The following COPG2 variants were observed in gnomAD, a reference collection of about 807,000 sequenced individuals.
COPG2 encodes coat protein complex I subunit gamma 2, also known as coatomer subunit gamma-2.
In COPG2, 37 loss-of-function variants were observed where a neutral mutation model predicts 46.3. The observed-to-expected ratio is 0.80, with a 90% CI of 0.61 to 1.05. COPG2 has a LOEUF of 1.05. Among genes scored for constraint, COPG2 ranks in the 50% least tolerant of loss-of-function variants. The probability of loss-of-function intolerance (pLI) is 0.00; values close to 1 mark genes in which losing one functional copy is unlikely to be tolerated. For synonymous variants in COPG2, 159 were observed against 129.7 expected (o/e 1.23, Z -1.53); for missense variants, 427 against 387.8 (o/e 1.10, Z -0.85).
At chr7:130,519,005 CAAAA>C (rs1163859617) in intron 20 of COPG2, among the ~76,000 whole-genome samples, 9 of 116,422 alleles carry the variant, frequency 7.7e-5, no homozygotes, top group Non-Finnish European at 1.0e-4. Flanking sequence ...GACTCTGTCT[CAAAA>C]AAAAAAAAAA....
rs1289896418 is a variant in COPG2, at chr7:130,618,639, A to G, written c.324-1574T>C. Among the ~76,000 whole-genome samples the G allele has an allele frequency of 7.2e-5, 11 of 152,324 alleles. No individual in the cohort carries two copies. The East Asian group carries it at 2.1e-3, about 29-fold the overall frequency. Reference sequence around the variant, plus strand: ...AAGGTGACTTTTCTATTATAAAGGTAAGGTTTTCATAAGTATTAATCAATC... The same window carrying G: ...AAGGTGACTTTTCTATTATAAAGGTGAGGTTTTCATAAGTATTAATCAATC... On this transcript the variant is annotated intron_variant, in intron 5 of 23. Transcript: ENST00000425248.
intron 7 of COPG2, among the ~76,000 whole-genome samples, chr7:130,613,243 C>A (rs1794887302): frequency 6.6e-6 from 1 of 152,164 alleles, no homozygotes; most frequent in Admixed American, 6.5e-5. Context: ...AGGGTTCGAG[C>A]TCCTATGAGA....
At chr7:130,616,919 C>A in intron 6 of COPG2, 71 bp downstream of exon 6, 3 of 952,036 alleles carry the variant, frequency 3.2e-6, no homozygotes, top group Non-Finnish European at 4.8e-6. Context: ...GGAAATCCTA[C>A]TAAATCTACA....
chr7:130,600,811 T>C (rs1794621056), intron 9 of COPG2, among the ~76,000 whole-genome samples: 2 of 152,220 alleles, frequency 1.3e-5, no homozygotes, highest in Admixed American at 6.5e-5. Context: ...ATAAATGTTA[T>C]ATTTTGTGTT....
chr7:130,514,625 TTTAGGGCAAGA>T (rs1412964632), intron 20 of COPG2, among the ~76,000 whole-genome samples: 1 of 152,084 alleles, frequency 6.6e-6, no homozygotes, highest in Non-Finnish European at 1.5e-5. Flanking sequence ...AGCGTACATC[TTTAGGGCAAGA>T]TAGGTAACAA....
In COPG2 at chr7:130,553,855, A is replaced by T. The variant is rs1019731277; in HGVS notation, c.1468+626T>A. On this transcript the variant is annotated intron_variant, in intron 14 of 23. Coordinates refer to ENST00000425248, the MANE Select transcript of COPG2 (RefSeq NM_012133.6). ...GGGTTTCACGAAGTGTTCAGTCAAT[A>T]GCACATCAAGTGGACTGAGTGTAAA... 6.2e-4 allele frequency among the ~76,000 whole-genome samples: 94 copies of T among 152,350 alleles called. 1 individual carries two copies. The highest frequency in any genetic ancestry group is 3.6e-3 in the Admixed American group (55 of 15,308).
intron 20 of COPG2, among the ~76,000 whole-genome samples, chr7:130,532,579 G>A (rs1033199526): frequency 2.6e-5 from 4 of 151,978 alleles, no homozygotes; most frequent in Non-Finnish European, 5.9e-5. Context: ...GAGGGTGGGG[G>A]GAGATAAGAG....
chr7:130,654,905 T>C (rs1257546812), intron 4 of COPG2, among the ~76,000 whole-genome samples: 6 of 152,102 alleles, frequency 3.9e-5, no homozygotes, highest in African/African-American at 1.4e-4. Flanking sequence ...TTTCATTTTA[T>C]ATATTTCTTT....
chr7:130,527,444 G>T (rs1351339612), intron 20 of COPG2, among the ~76,000 whole-genome samples: 1 of 123,442 alleles, frequency 8.1e-6, no homozygotes, highest in Non-Finnish European at 1.6e-5. Flanking sequence ...CCACAGCAGT[G>T]ATTCTTATCT....
chr7:130,589,116 TC>T (rs1554448482), intron 9 of COPG2, among the ~76,000 whole-genome samples: 1 of 152,124 alleles, frequency 6.6e-6, no homozygotes, highest in East Asian at 1.9e-4. Flanking sequence ...TTTTGTCCAA[TC>T]GTTAATTCAA....
At chr7:130,568,477 AATG>A (rs1391560625) in intron 9 of COPG2, among the ~76,000 whole-genome samples, 1 of 152,224 alleles carries the variant, frequency 6.6e-6, no homozygotes, top group Admixed American at 6.5e-5. Flanking sequence ...GACATTATAT[AATG>A]ATAAAAGCAC....
At chr7:130,599,577 CCA>C (rs1385964123) in intron 9 of COPG2, among the ~76,000 whole-genome samples, 1 of 151,926 alleles carries the variant, frequency 6.6e-6, no homozygotes, top group Non-Finnish European at 1.5e-5. Flanking sequence ...TTGAGTATGC[CCA>C]CACTCCCCTT....
At chr7:130,557,176 C>T (rs1279194606) in intron 12 of COPG2, among the ~76,000 whole-genome samples, 3 of 151,998 alleles carry the variant, frequency 2.0e-5, no homozygotes, top group African/African-American at 7.3e-5. Flanking sequence ...ATAAAATTAA[C>T]ATGCAAAACC....
chr7:130,612,175 A>C lies in COPG2; in HGVS notation c.556T>G (p.Ser186Ala), dbSNP rs892819537. The C allele has an allele frequency of 1.9e-6, 3 of 1,611,546 alleles. No homozygotes were observed. The highest frequency in any genetic ancestry group is 2.5e-6 in the Non-Finnish European group (3 of 1,178,518). Residue 186 changes from serine to alanine, a missense_variant, in exon 8 of 24, where the codon TCA becomes GCA. Transcript: ENST00000425248. ...ACCTGGACCATAATATTATCACTTG[A>C]TGCAGCTTCTTGGGCTTCATTGATC... Reference protein sequence around the residue: ...RWINEAQEAASSDNIMVQYHA... With the variant: ...RWINEAQEAAASDNIMVQYHA...
chr7:130,568,565 T>C (rs1793842884), intron 9 of COPG2, among the ~76,000 whole-genome samples: 1 of 152,056 alleles, frequency 6.6e-6, no homozygotes, highest in Non-Finnish European at 1.5e-5. Flanking sequence ...TATAAAACAA[T>C]TACTACTAGA....
At chr7:130,651,768 G>A (rs916296781) in intron 5 of COPG2, among the ~76,000 whole-genome samples, 7 of 151,064 alleles carry the variant, frequency 4.6e-5, no homozygotes, top group East Asian at 2.0e-4. Flanking sequence ...CACCCGCCTC[G>A]GCCTCCCAAA....
intron 20 of COPG2, among the ~76,000 whole-genome samples, chr7:130,544,831 G>A (rs2116376445): frequency 1.3e-5 from 2 of 152,282 alleles, no homozygotes; most frequent in East Asian, 3.9e-4. Flanking sequence ...AGTAGGACTA[G>A]TTACATAGAG....
chr7:130,651,997 T>G (rs375497151), intron 5 of COPG2, among the ~76,000 whole-genome samples: 3 of 152,212 alleles, frequency 2.0e-5, no homozygotes, highest in African/African-American at 7.2e-5. Context: ...GTAGATTGAC[T>G]CCAACCCCCA....
rs782259331 is a variant in COPG2, at chr7:130,507,387, T to C, written c.2387-15A>G. 5.1e-6 allele frequency: 4 copies of C among 780,526 alleles called. No individual in the cohort carries two copies. In the East Asian group the frequency reaches 7.3e-5, roughly 14 times the overall value. 48.4% of individuals were successfully genotyped at this position (780,526 alleles called of 1,614,324 possible). A position where few individuals can be genotyped will look rare whatever the true frequency, so the allele number is the denominator to read the frequency against. On this transcript the variant is annotated splice_polypyrimidine_tract_variant and intron_variant, in intron 22 of 23. Coordinates refer to ENST00000425248, the MANE Select transcript of COPG2 (RefSeq NM_012133.6). ...GTTGACAGCCTCTGTGTTGAGAAGA[T>C]GTATGAGACAGTATTAGGAAAGTAA... is the stretch of plus-strand genomic sequence containing the variant.
Sources: gnomAD v4.1 joint callset for allele counts (sites outside exome capture counted in the v4.1 genomes callset) on GRCh38, gnomAD v4.1.1 for gene constraint, MANE v1.5 for transcripts, NCBI Gene and HGNC (gene_info 2026-07-23, HGNC 2026-07-21) for gene names.